The following ATG12 variants were observed in gnomAD, a reference collection of about 807,000 sequenced individuals.
ATG12 encodes ubiquitin-like protein ATG12.
In ATG12, 19 loss-of-function variants were observed where a neutral mutation model predicts 17.6. The observed-to-expected ratio is 1.08, with a 90% CI of 0.75 to 1.58. ATG12 has a LOEUF of 1.58. ATG12 is among the 40% of genes most tolerant of loss of function. The pLI, the probability that ATG12 is intolerant of heterozygous loss-of-function variation, is 0.00. For synonymous variants in ATG12, 75 were observed against 62.4 expected, an observed-to-expected ratio of 1.20 and a Z score of -0.95; for missense variants, 214 against 162.0, an observed-to-expected ratio of 1.32 and a Z score of -1.74.
chr5:115,832,783 G>C, intron 2 of ATG12, 119 bp from the exon 3 acceptor site: 1 of 964,558 alleles, frequency 1.0e-6, no homozygotes, highest in Non-Finnish European at 1.5e-6. Flanking sequence ...AAGCTTCTCT[G>C]AACTCCTAAC....
intron 1 of ATG12, 31 bp downstream of exon 1, chr5:115,841,359 C>T (rs1761465299): frequency 2.5e-6 from 4 of 1,609,468 alleles, no homozygotes; most frequent in Non-Finnish European, 2.5e-6. Flanking sequence ...CTGAACCTCC[C>T]GCCTCTCTGC....
chr5:115,836,973 T>C (rs756594996), intron 2 of ATG12, among the ~76,000 whole-genome samples: 24 of 152,212 alleles, frequency 1.6e-4, no homozygotes, highest in Non-Finnish European at 2.9e-4. Flanking sequence ...CAAAGATACA[T>C]TGCTTACCTC....
In ATG12 at chr5:115,830,954, A is replaced by C. The variant is rs1760845701; in HGVS notation, c.*850T>G. ...TAGTCATGGCATAAAATATACAATA[A>C]GGCTATTTTTCAATTATTGTTTTCA... On this transcript the variant is annotated 3_prime_UTR_variant, in exon 4 of 4. Transcript: ENST00000509910. The C allele has an allele frequency of 6.6e-6, 1 of 152,230 alleles. No individual in the cohort carries two copies. Among genetic ancestry groups the C allele is most frequent in the African/African-American group, 2.4e-5 (1 of 41,466 alleles). 9.4% of individuals were successfully genotyped at this position (152,230 alleles called of 1,614,324 possible). A position where few individuals can be genotyped will look rare whatever the true frequency, so the allele number is the denominator to read the frequency against.
rs1191961739 is a variant in ATG12, at chr5:115,828,984, G to C, written c.*2820C>G. On this transcript the variant is annotated 3_prime_UTR_variant, in exon 4 of 4. Coordinates refer to ENST00000509910, the MANE Select transcript of ATG12 (RefSeq NM_004707.4). ...AGTTAGGATTTGAAAGGGTGAAGGT[G>C]TAAGTAAACTGCACGAGCAGAAGTA... The C allele has an allele frequency of 6.6e-6, 1 of 152,188 alleles. No homozygotes were observed. The highest frequency in any genetic ancestry group is 2.4e-5 in the African/African-American group (1 of 41,432). The allele number at this position is 152,188 out of a possible 1,614,324, so 9.4% of individuals were successfully genotyped here. A position where few individuals can be genotyped will look rare whatever the true frequency, so the allele number is the denominator to read the frequency against.
chr5:115,836,439 C>T (rs145007586), intron 2 of ATG12, among the ~76,000 whole-genome samples: 6 of 152,314 alleles, frequency 3.9e-5, no homozygotes, highest in Non-Finnish European at 5.9e-5. Flanking sequence ...GCAGCCTCTG[C>T]TCATTTCTCT....
intron 2 of ATG12, chr5:115,834,088 G>C (rs537670049): frequency 1.3e-5 from 2 of 152,182 alleles, no homozygotes; most frequent in Non-Finnish European, 2.9e-5. Context: ...TAGCAAAAGG[G>C]TCAGTGATGG....
intron 2 of ATG12, among the ~76,000 whole-genome samples, chr5:115,836,721 G>A (rs1049729188): frequency 4.6e-5 from 7 of 152,112 alleles, no homozygotes; most frequent in Non-Finnish European, 7.4e-5. Context: ...CATGCTATCT[G>A]AGTTAATACT....
intron 1 of ATG12, 22 bp from the exon 2 acceptor site, chr5:115,837,786 T>G (rs773007717): frequency 6.4e-7 from 1 of 1,573,488 alleles, no homozygotes; most frequent in Non-Finnish European, 8.6e-7. Context: ...GAATAAAATT[T>G]ACTGACAATT....
chr5:115,840,617 A>C (rs1384079038), intron 1 of ATG12: 1 of 1,275,420 alleles, frequency 7.8e-7, no homozygotes, highest in Non-Finnish European at 1.0e-6. Flanking sequence ...TGTCATCTTA[A>C]GACAGAACGG....
intron 3 of ATG12, among the ~76,000 whole-genome samples, chr5:115,832,395 A>G (rs1760909903): frequency 1.3e-5 from 2 of 152,036 alleles, no homozygotes; most frequent in Admixed American, 1.3e-4. Context: ...ATTTATTAAT[A>G]TCTTTCTATG....
At chr5:115,832,531 T>A (rs1335328988) in intron 3 of ATG12, 71 bp downstream of exon 3, 2 of 1,420,396 alleles carry the variant, frequency 1.4e-6, no homozygotes, top group South Asian at 1.5e-5. Flanking sequence ...ATTATACAGA[T>A]GTGCATACTC....
At chr5:115,836,051 G>A (rs1265440021) in intron 2 of ATG12, among the ~76,000 whole-genome samples, 1 of 152,072 alleles carries the variant, frequency 6.6e-6, no homozygotes, top group African/African-American at 2.4e-5. Context: ...CATTTTGCTA[G>A]ATAAAATTCA....
At chr5:115,840,976 C>T (rs1365379888) in intron 1 of ATG12, 2 of 973,872 alleles carry the variant, frequency 2.1e-6, no homozygotes, top group Non-Finnish European at 2.8e-6. Context: ...AGTTGGAAGG[C>T]ATGAATTCTA....
At chr5:115,835,641 G>A (rs1761064006) in intron 2 of ATG12, among the ~76,000 whole-genome samples, 1 of 152,134 alleles carries the variant, frequency 6.6e-6, no homozygotes, top group African/African-American at 2.4e-5. Flanking sequence ...TAGTGCAAAT[G>A]TATTGTCATC....
chr5:115,840,893 T>G (rs1219680711), intron 1 of ATG12: 2 of 1,288,380 alleles, frequency 1.6e-6, no homozygotes, highest in Non-Finnish European at 2.0e-6. Context: ...TCATTCTGCA[T>G]AAGAATTTGG....
intron 1 of ATG12, 46 bp from the exon 2 acceptor site, chr5:115,837,810 T>C (rs1163778097): frequency 6.7e-7 from 1 of 1,496,518 alleles, no homozygotes; most frequent in Non-Finnish European, 9.0e-7. Flanking sequence ...CTGAAACATC[T>C]AAAGAGAATG....
chr5:115,841,477 A>C lies in ATG12; in HGVS notation c.76T>G (p.Ser26Ala), dbSNP rs1761482448. The change falls in exon 1 of 4, where the codon TCC becomes GCC. Residue 26 changes from serine (S) to alanine (A), a missense_variant. Coordinates refer to ENST00000509910, the MANE Select transcript of ATG12 (RefSeq NM_004707.4). ...AAGGEGLTDV[S>A]PETTTPEPPS... ...GGCTCCGGGGTGGTTGTTTCTGGGGAGACATCCGTAAGTCCTTCCCCTCCA... is the reference window on the plus strand; with the variant it reads ...GGCTCCGGGGTGGTTGTTTCTGGGGCGACATCCGTAAGTCCTTCCCCTCCA... 6 of 1,611,100 alleles carry C rather than the reference A, an allele frequency of 3.7e-6. No individual in the cohort carries two copies. The highest frequency in any genetic ancestry group is 5.1e-6 in the Non-Finnish European group (6 of 1,179,306).
rs1328488639 is a variant in ATG12, at chr5:115,830,228, T to TA, written c.*1575dup. On this transcript the variant is annotated 3_prime_UTR_variant, in exon 4 of 4. Transcript: ENST00000509910. ...CATATTTAGCTAACCTTAGATTTAA[T>TA]AAACTATTAAGTTATTTAGGTCAAA... The TA allele has an allele frequency of 1.3e-5, 2 of 150,818 alleles. No homozygotes were observed. Among genetic ancestry groups the TA allele is most frequent in the Non-Finnish European group, 2.9e-5 (2 of 67,856 alleles). The allele number at this position is 150,818 out of a possible 1,614,324, so 9.3% of individuals were successfully genotyped here.
In ATG12 at chr5:115,830,925, C is replaced by G. The variant is rs1448673096; in HGVS notation, c.*879G>C. 6.6e-6 allele frequency: 1 copy of G among 152,120 alleles called. No homozygotes were observed. Among genetic ancestry groups the G allele is most frequent in the African/African-American group, 2.4e-5 (1 of 41,414 alleles). 9.4% of individuals were successfully genotyped at this position (152,120 alleles called of 1,614,324 possible). ...TCTAATAGCATCAGTAAAAATGGCA[C>G]TTTTAGTCATGGCATAAAATATACA... On this transcript the variant is annotated 3_prime_UTR_variant, in exon 4 of 4. Coordinates refer to ENST00000509910, the MANE Select transcript of ATG12 (RefSeq NM_004707.4).
Sources: gnomAD v4.1 joint callset for allele counts (sites outside exome capture counted in the v4.1 genomes callset) on GRCh38, gnomAD v4.1.1 for gene constraint, MANE v1.5 for transcripts, NCBI Gene and HGNC (gene_info 2026-07-23, HGNC 2026-07-21) for gene names.